Variants in CLSTN2 observed in about 807,000 individuals in gnomAD.
CLSTN2 encodes calsyntenin 2.
A neutral mutation model predicts 101.2 loss-of-function variants in CLSTN2; 48 were observed. The ratio of observed to expected loss-of-function variants is 0.47; its 90% CI spans 0.38 to 0.60. The LOEUF (loss-of-function observed/expected upper bound fraction) is 0.60, where lower values mean the gene tolerates loss of function less well. CLSTN2 is among the 20% of genes least tolerant of loss of function. The probability of loss-of-function intolerance (pLI) is 0.00; values close to 1 mark genes in which losing one functional copy is unlikely to be tolerated. For missense variants in CLSTN2, 1,160 were observed against 1,238.2 expected (o/e 0.94, Z 0.95); for synonymous variants, 481 against 463.6 (o/e 1.04, Z -0.48).
At chr3:140,531,320 A>G (rs887997581) in intron 8 of CLSTN2, among the ~76,000 whole-genome samples, 2 of 152,238 alleles carry the variant, frequency 1.3e-5, no homozygotes, top group Non-Finnish European at 2.9e-5. Context: ...TAAAAAGAAC[A>G]TTAATGAAAA....
At chr3:140,025,339 G>T (rs571713116) in intron 1 of CLSTN2, among the ~76,000 whole-genome samples, 3 of 152,304 alleles carry the variant, frequency 2.0e-5, no homozygotes, top group Admixed American at 2.0e-4. Flanking sequence ...GATTCACTTT[G>T]TTCCAGGTGC....
Position 140,562,962 on chromosome 3 carries a change from T to C in CLSTN2, c.2358+6T>C, listed in dbSNP as rs374907746. 9.9e-6 allele frequency: 16 copies of C among 1,613,764 alleles called. No individual in the cohort carries two copies. The African/African-American group carries it at 2.1e-4, about 22-fold the overall frequency. ...GCAATGAGTTCAACTTGGAGGTGAG[T>C]GGGTCCTGCCATTGTTAGGGAAGCC... On this transcript the variant is annotated splice_donor_region_variant and intron_variant, in intron 14 of 16. Coordinates refer to ENST00000458420, the MANE Select transcript of CLSTN2 (RefSeq NM_022131.3).
intron 6 of CLSTN2, among the ~76,000 whole-genome samples, chr3:140,458,269 C>T (rs1454561267): frequency 6.6e-6 from 1 of 151,530 alleles, no homozygotes; most frequent in Non-Finnish European, 1.5e-5. Flanking sequence ...GGGCAAATGG[C>T]AGGTAATACA....
At chr3:139,955,283 A>G (rs930550455) in intron 1 of CLSTN2, among the ~76,000 whole-genome samples, 1 of 151,866 alleles carries the variant, frequency 6.6e-6, no homozygotes, top group Non-Finnish European at 1.5e-5. Context: ...GATAAATTGC[A>G]TAACTCCTCT....
At chr3:139,953,244 A>G (rs898678073) in intron 1 of CLSTN2, among the ~76,000 whole-genome samples, 8 of 152,076 alleles carry the variant, frequency 5.3e-5, no homozygotes, top group African/African-American at 1.9e-4. Context: ...TGGTACAACC[A>G]CCCTCTATGC....
At chr3:140,466,171 A>G (rs58295092) in intron 7 of CLSTN2, among the ~76,000 whole-genome samples, 8,989 of 152,224 alleles carry the variant, frequency 0.059, 866 homozygotes, top group African/African-American at 0.2. Context: ...CTGCTATCTG[A>G]TGAAATAAAA....
chr3:140,212,985 T>A (rs980038796), intron 2 of CLSTN2, among the ~76,000 whole-genome samples: 1 of 152,220 alleles, frequency 6.6e-6, no homozygotes, highest in African/African-American at 2.4e-5. Context: ...GAGTGTCTGA[T>A]TCCCAGGAGG....
chr3:140,014,001 G>C (rs1187638922), intron 1 of CLSTN2, among the ~76,000 whole-genome samples: 3 of 152,118 alleles, frequency 2.0e-5, no homozygotes, highest in African/African-American at 7.2e-5. Flanking sequence ...GCTTCTTTCT[G>C]AACAGAAAGC....
chr3:140,490,141 C>T (rs1425146097), intron 8 of CLSTN2, among the ~76,000 whole-genome samples: 8 of 110,136 alleles, frequency 7.3e-5, no homozygotes, highest in African/African-American at 3.5e-4. Flanking sequence ...CACACACACA[C>T]ACACACACAC....
intron 1 of CLSTN2, among the ~76,000 whole-genome samples, chr3:140,064,831 A>C (rs1044759920): frequency 6.6e-6 from 1 of 152,244 alleles, no homozygotes; most frequent in Admixed American, 6.5e-5. Context: ...TGAGAAAATA[A>C]GAGATAAAGC....
intron 1 of CLSTN2, among the ~76,000 whole-genome samples, chr3:140,167,400 TG>T (rs2010151121): frequency 1.3e-5 from 2 of 152,208 alleles, no homozygotes; most frequent in African/African-American, 4.8e-5. Flanking sequence ...GAAGTAATCC[TG>T]GGTTAGCTTG....
chr3:140,327,404 T>C (rs184295146), intron 2 of CLSTN2, among the ~76,000 whole-genome samples: 3 of 152,328 alleles, frequency 2.0e-5, no homozygotes. Context: ...TGAAGCACTT[T>C]CATGCATGAG....
intron 2 of CLSTN2, among the ~76,000 whole-genome samples, chr3:140,307,891 A>C (rs1284549844): frequency 6.6e-6 from 1 of 152,218 alleles, no homozygotes; most frequent in African/African-American, 2.4e-5. Context: ...AAATGTTTAC[A>C]TTTAACAATT....
intron 2 of CLSTN2, among the ~76,000 whole-genome samples, chr3:140,239,919 TTATG>T (rs917945330): frequency 2.6e-5 from 1 of 39,186 alleles, no homozygotes; most frequent in African/African-American, 6.8e-5. Flanking sequence ...ACACTCATAT[TTATG>T]TATATATATG....
At chr3:140,326,924 T>A (rs2087336984) in intron 2 of CLSTN2, among the ~76,000 whole-genome samples, 1 of 152,182 alleles carries the variant, frequency 6.6e-6, no homozygotes, top group Non-Finnish European at 1.5e-5. Flanking sequence ...ATATCTGACC[T>A]TTTATCCATC....
rs7636848 is a variant in CLSTN2 at position 140,306,174 on chromosome 3, G to A, written c.233-97455G>A. ...AAATATACTCACAGTTGCACATTCT[G>A]TGTATCCCCTTTATTCCCACAGGCC... On this transcript the variant is annotated intron_variant, in intron 2 of 16. Coordinates refer to ENST00000458420, the MANE Select transcript of CLSTN2 (RefSeq NM_022131.3). 8.0e-3 allele frequency among the ~76,000 whole-genome samples: 1,212 copies of A among 152,268 alleles called. 16 individuals are homozygous for A. The highest frequency in any genetic ancestry group is 0.028 in the African/African-American group (1,148 of 41,546).
At chr3:140,384,641 A>G (rs2088030825) in intron 2 of CLSTN2, among the ~76,000 whole-genome samples, 1 of 152,212 alleles carries the variant, frequency 6.6e-6, no homozygotes. Flanking sequence ...GACAGGAAGC[A>G]GGCCTCTGAA....
chr3:140,430,802 A>G (rs1348144133), intron 5 of CLSTN2, among the ~76,000 whole-genome samples: 2 of 152,218 alleles, frequency 1.3e-5, no homozygotes, highest in Non-Finnish European at 2.9e-5. Flanking sequence ...CTGTGAGATA[A>G]GCAATTCTAG....
In CLSTN2 at chr3:140,519,595, CT is replaced by C. The variant is rs1190305674; in HGVS notation, c.1345-12720del. Among the ~76,000 whole-genome samples, 584 of 151,306 alleles carry C rather than the reference CT, an allele frequency of 3.9e-3. 7 individuals carry two copies. The highest frequency in any genetic ancestry group is 0.034 in the Admixed American group (521 of 15,146). On this transcript the variant is annotated intron_variant, in intron 8 of 16. Transcript: ENST00000458420. ...CTTTACCAGTATGTAATTACCTTGT[CT>C]TTTTTTTTCTTTATTGGTTTAAACT... is the stretch of plus-strand genomic sequence containing the variant.
Sources: gnomAD v4.1 joint callset for allele counts (sites outside exome capture counted in the v4.1 genomes callset) on GRCh38, gnomAD v4.1.1 for gene constraint, MANE v1.5 for transcripts, NCBI Gene and HGNC (gene_info 2026-07-23, HGNC 2026-07-21) for gene names.